The following FBXW11 variants were observed in gnomAD, a reference collection of about 807,000 sequenced individuals.
FBXW11 encodes F-box and WD repeat domain containing 11.
FBXW11 carries 19 observed loss-of-function variants against 77.6 expected under a neutral mutation model. That is an observed-to-expected ratio of 0.24 (90% CI 0.17 to 0.36). The LOEUF (loss-of-function observed/expected upper bound fraction) is 0.36. Among genes scored for constraint, FBXW11 ranks in the 10% least tolerant of loss-of-function variants. The probability of loss-of-function intolerance (pLI) is 1.00; values close to 1 mark genes in which losing one functional copy is unlikely to be tolerated. For missense variants in FBXW11, 334 were observed against 704.2 expected (o/e 0.47, Z 5.95); for synonymous variants, 235 against 249.4 (o/e 0.94, Z 0.54).
intron 2 of FBXW11, among the ~76,000 whole-genome samples, chr5:171,937,547 C>G (rs1329958926): frequency 6.6e-6 from 1 of 152,006 alleles, no homozygotes; most frequent in Non-Finnish European, 1.5e-5. Context: ...TATAAAAACG[C>G]AGTGGGGGCC....
chr5:171,897,030 T>A lies in FBXW11; in HGVS notation c.714+1974A>T, dbSNP rs553437426. Among the ~76,000 whole-genome samples the A allele has an allele frequency of 3.7e-4, 57 of 152,270 alleles. 3 individuals are homozygous for A. The South Asian group carries it at 0.01, about 28-fold the overall frequency. On this transcript the variant is annotated intron_variant, in intron 6 of 13. Transcript: ENST00000517395. Reference sequence around the variant, plus strand: ...GTAGCAGTGGTCTATTGTTAAAAACTCGTATTAAGGGTAGAAGGGTACATG... The same window carrying A: ...GTAGCAGTGGTCTATTGTTAAAAACACGTATTAAGGGTAGAAGGGTACATG...
intron 1 of FBXW11, among the ~76,000 whole-genome samples, chr5:171,977,080 C>CT (rs369006889): frequency 4.0e-5 from 6 of 151,458 alleles, no homozygotes; most frequent in African/African-American, 1.5e-4. Flanking sequence ...TGGCTCACGC[C>CT]TGTAATCCCA....
At chr5:171,981,775 C>G (rs767949636) in intron 1 of FBXW11, among the ~76,000 whole-genome samples, 3 of 152,120 alleles carry the variant, frequency 2.0e-5, no homozygotes, top group Non-Finnish European at 2.9e-5. Flanking sequence ...TCATAATAGC[C>G]AAACGCAGGA....
At chr5:171,946,757 C>T (rs937841305) in intron 2 of FBXW11, among the ~76,000 whole-genome samples, 2 of 151,848 alleles carry the variant, frequency 1.3e-5, no homozygotes, top group Non-Finnish European at 2.9e-5. Flanking sequence ...CTCTATTCCC[C>T]CCTTTTCTCC....
chr5:171,894,437 G>A (rs1396582837), intron 6 of FBXW11, among the ~76,000 whole-genome samples: 3 of 152,146 alleles, frequency 2.0e-5, no homozygotes, highest in Non-Finnish European at 2.9e-5. Context: ...TCCTCGCCTA[G>A]GCCTGTTTTA....
At chr5:171,934,601 C>T (rs767096287) in intron 2 of FBXW11, among the ~76,000 whole-genome samples, 2 of 149,948 alleles carry the variant, frequency 1.3e-5, no homozygotes, top group Admixed American at 6.7e-5. Flanking sequence ...TGCTTGAACC[C>T]GGGAGGCAGA....
intron 1 of FBXW11, among the ~76,000 whole-genome samples, chr5:171,968,545 T>C (rs1011921395): frequency 3.0e-4 from 45 of 152,078 alleles, no homozygotes; most frequent in African/African-American, 1.1e-3. Context: ...TCTAGATAGC[T>C]AACAGATGAT....
intron 1 of FBXW11, among the ~76,000 whole-genome samples, chr5:171,977,480 T>C (rs577902768): frequency 1.1e-4 from 17 of 152,274 alleles, no homozygotes; most frequent in African/African-American, 3.9e-4. Flanking sequence ...AAAACAGATA[T>C]GATCCTCGCC....
Position 171,914,392 on chromosome 5 carries a change from A to G in FBXW11, c.161T>C (p.Met54Thr), listed in dbSNP as rs754404971. The part of the protein sequence containing the change: ...SVRCLQNTSV[M>T]EDQNEDESPK... The stretch of plus-strand genomic sequence containing the variant: ...GGACTCATCTTCATTTTGATCTTCC[A>G]TAACTGAAGTGTTCTAGGGGGGGAA... Residue 54 changes from methionine to threonine, a missense_variant, in exon 3 of 14, where the codon ATG becomes ACG. Around this residue, in one of 10 missense-constraint regions of FBXW11, gnomAD observed 80 missense variants for 105.1 expected, o/e 0.76. Transcript: ENST00000517395. 6 of 1,603,260 alleles carry G rather than the reference A, an allele frequency of 3.7e-6. No homozygotes were observed. The highest frequency in any genetic ancestry group is 2.6e-6 in the Non-Finnish European group (3 of 1,176,270).
chr5:171,914,443 G>A, intron 2 of FBXW11, 38 bp from the exon 3 acceptor site: 1 of 1,518,734 alleles, frequency 6.6e-7, no homozygotes, highest in East Asian at 2.3e-5. Flanking sequence ...ATTATACCAA[G>A]TTTTGCAAAT....
intron 2 of FBXW11, among the ~76,000 whole-genome samples, chr5:171,930,725 A>T (rs1163547722): frequency 2.1e-5 from 3 of 144,588 alleles, no homozygotes; most frequent in Non-Finnish European, 3.0e-5. Context: ...ATCAATAAAA[A>T]AAATAAATAA....
chr5:172,002,446 G>GTGTGTGTGT (rs1766464395), intron 1 of FBXW11, among the ~76,000 whole-genome samples: 1 of 149,420 alleles, frequency 6.7e-6, no homozygotes, highest in African/African-American at 2.5e-5. Flanking sequence ...GTGTGTGTGT[G>GTGTGTGTGT]GTTTATTCAT....
At chr5:171,953,254 AC>A (rs1318713263) in intron 2 of FBXW11, among the ~76,000 whole-genome samples, 23 of 152,302 alleles carry the variant, frequency 1.5e-4, no homozygotes, top group Admixed American at 1.5e-3. Context: ...CCTGGGCCTC[AC>A]AAAGCACTGG....
intron 1 of FBXW11, among the ~76,000 whole-genome samples, chr5:171,959,986 A>C (rs1763819091): frequency 6.6e-6 from 1 of 152,222 alleles, no homozygotes; most frequent in Non-Finnish European, 1.5e-5. Context: ...CCACTACAAC[A>C]AACACTCTCT....
intron 2 of FBXW11, among the ~76,000 whole-genome samples, chr5:171,916,866 T>C (rs538633430): frequency 1.1e-4 from 17 of 152,192 alleles, no homozygotes; most frequent in Admixed American, 8.5e-4. Flanking sequence ...AGAGGAAACA[T>C]ATGAGGGATG....
intron 2 of FBXW11, among the ~76,000 whole-genome samples, chr5:171,957,371 CAGG>C (rs773047336): frequency 9.2e-5 from 14 of 152,092 alleles, no homozygotes; most frequent in Non-Finnish European, 1.6e-4. Context: ...GAGTAAAAAG[CAGG>C]AGCAGAAAAG....
At chr5:171,929,268 G>C (rs1762040094) in intron 2 of FBXW11, among the ~76,000 whole-genome samples, 2 of 151,868 alleles carry the variant, frequency 1.3e-5, no homozygotes, top group Non-Finnish European at 2.9e-5. Context: ...CTACTCAGGA[G>C]CTGAGGCACA....
At position 171,876,632 on chromosome 5, in the gene FBXW11, T is replaced by A; in HGVS notation, c.972-98A>T. On this transcript the variant is annotated intron_variant, in intron 8 of 13. Coordinates refer to ENST00000517395, the MANE Select transcript of FBXW11 (RefSeq NM_001378974.1). This position sits in a 1 kb window ranked among gnomAD's most constrained non-coding sequence, Gnocchi z 4.2. ...GTCTGGGTCTGCAATGGTTTGGATA[T>A]AGTTTGTCTGACTCTACCAAATCTC... is the stretch of plus-strand genomic sequence containing the variant. 6.9e-7 allele frequency: 1 copy of A among 1,452,588 alleles called. No individual in the cohort carries two copies. The highest frequency in any genetic ancestry group is 9.4e-7 in the Non-Finnish European group (1 of 1,064,156). The allele number at this position is 1,452,588 out of a possible 1,614,324, so 90.0% of individuals were successfully genotyped here.
chr5:171,964,799 A>G (rs747452148), intron 1 of FBXW11, among the ~76,000 whole-genome samples: 1 of 152,260 alleles, frequency 6.6e-6, no homozygotes, highest in Non-Finnish European at 1.5e-5. Context: ...AACCTTTTAT[A>G]GAACTGAATA....
Sources: allele counts gnomAD v4.1 joint callset (sites outside exome capture counted in the v4.1 genomes callset), GRCh38; gene constraint gnomAD v4.1.1; regional missense constraint gnomAD v4.1.1; non-coding constraint Gnocchi (gnomAD v3.1); transcripts MANE v1.5; gene names NCBI Gene and HGNC (gene_info 2026-07-23, HGNC 2026-07-21).